The following LEKR1 variants were observed in gnomAD, a reference collection of about 807,000 sequenced individuals.
The protein encoded by LEKR1 is leucine, glutamate and lysine rich 1, also known as protein LEKR1.
A neutral mutation model predicts 72.4 loss-of-function variants in LEKR1; 59 were observed. The observed-to-expected ratio is 0.82, with a 90% CI of 0.66 to 1.01. The LOEUF (loss-of-function observed/expected upper bound fraction) is 1.01. Among genes scored for constraint, LEKR1 ranks in the 50% least tolerant of loss-of-function variants. The pLI, the probability that LEKR1 is intolerant of heterozygous loss-of-function variation, is 0.00. For synonymous variants in LEKR1, 257 were observed against 263.2 expected (o/e 0.98, Z 0.23); for missense variants, 728 against 759.2 (o/e 0.96, Z 0.48).
At chr3:156,994,163 T>G (rs1731358927) in intron 9 of LEKR1, among the ~76,000 whole-genome samples, 2 of 152,182 alleles carry the variant, frequency 1.3e-5, no homozygotes, top group African/African-American at 2.4e-5. Context: ...TTATATTTTA[T>G]TTTATGAATA....
At chr3:157,017,315 T>C (rs1733424230) in intron 10 of LEKR1, 2 of 152,234 alleles carry the variant, frequency 1.3e-5, no homozygotes, top group African/African-American at 2.4e-5. Context: ...CACCTTACTA[T>C]ATGTTGCCTA....
At chr3:156,908,535 T>G (rs1429518978) in intron 3 of LEKR1, among the ~76,000 whole-genome samples, 1 of 152,192 alleles carries the variant, frequency 6.6e-6, no homozygotes, top group Non-Finnish European at 1.5e-5. Context: ...CTTCTTGTTT[T>G]GGACATTAGT....
intron 5 of LEKR1, among the ~76,000 whole-genome samples, chr3:156,930,657 C>G (rs999397951): frequency 6.6e-6 from 1 of 152,014 alleles, no homozygotes; most frequent in African/African-American, 2.4e-5. Flanking sequence ...CAAAAAATGG[C>G]ATTTTAAACA....
intron 2 of LEKR1, among the ~76,000 whole-genome samples, chr3:156,843,541 G>A (rs959867019): frequency 2.0e-5 from 3 of 152,116 alleles, no homozygotes; most frequent in East Asian, 1.9e-4. Flanking sequence ...GCTAGAGAGC[G>A]CACTGTTCTC....
Position 156,942,727 on chromosome 3 carries a change from C to G in LEKR1, c.745+13C>G. On this transcript the variant is annotated intron_variant, in intron 6 of 12. Coordinates refer to ENST00000356539, the MANE Select transcript of LEKR1 (RefSeq NM_001004316.3). ...AAAGAAGTACTAGGTAAAGAAAAGT[C>G]TTTTGCTGTTTTTGGTGACTAGTTA... is the stretch of plus-strand genomic sequence containing the variant. The G allele has an allele frequency of 8.2e-7, 1 of 1,219,354 alleles. No individual in the cohort carries two copies. Among genetic ancestry groups the G allele is most frequent in the Non-Finnish European group, 1.0e-6 (1 of 957,154 alleles). 75.5% of individuals were successfully genotyped at this position (1,219,354 alleles called of 1,614,324 possible).
At chr3:157,010,006 G>C (rs1029817499) in intron 9 of LEKR1, among the ~76,000 whole-genome samples, 6 of 151,918 alleles carry the variant, frequency 3.9e-5, no homozygotes, top group Non-Finnish European at 7.4e-5. Context: ...TTATTATAAA[G>C]CTGCTCATAA....
Position 156,835,784 on chromosome 3 carries a change from G to A in LEKR1, c.48+6407G>A, listed in dbSNP as rs547410417. On this transcript the variant is annotated intron_variant, in intron 2 of 12. Coordinates refer to ENST00000356539, the MANE Select transcript of LEKR1 (RefSeq NM_001004316.3). Reference sequence around the variant, plus strand: ...TCTCGTAAAGCCTCTCTCATAAAGCGATTCCTTCCTCCCTTCCTTCCTTCC... The same window carrying A: ...TCTCGTAAAGCCTCTCTCATAAAGCAATTCCTTCCTCCCTTCCTTCCTTCC... 3.2e-3 allele frequency among the ~76,000 whole-genome samples: 473 copies of A among 149,074 alleles called. 2 individuals are homozygous for A. Among genetic ancestry groups the A allele is most frequent in the African/African-American group, 0.011 (444 of 40,734 alleles).
intron 5 of LEKR1, among the ~76,000 whole-genome samples, chr3:156,930,953 A>C (rs1020831537): frequency 2.0e-5 from 3 of 152,168 alleles, no homozygotes; most frequent in South Asian, 2.1e-4. Context: ...AAAATTATAA[A>C]ACTACTAGAA....
chr3:156,891,026 ATTTTTTT>A (rs11407482), intron 3 of LEKR1, among the ~76,000 whole-genome samples: 1 of 137,552 alleles, frequency 7.3e-6, no homozygotes, highest in Non-Finnish European at 1.6e-5. Flanking sequence ...TGGCCGGCTA[ATTTTTTT>A]TTTTTTTTTG....
rs73025856 is a variant in LEKR1 at position 156,873,381 on chromosome 3, A to G, written c.263+20399A>G. On this transcript the variant is annotated intron_variant, in intron 3 of 12. Transcript: ENST00000356539. ...TTTTTAATCCATTCAGCCAGTCCAT[A>G]TTTTTTAAAGGGAACATTTACTCTG... Among the ~76,000 whole-genome samples the G allele has an allele frequency of 4.2e-3, 634 of 151,910 alleles. 3 individuals carry two copies. Among genetic ancestry groups the G allele is most frequent in the African/African-American group, 0.015 (604 of 41,480 alleles).
At chr3:156,836,113 C>G (rs942769859) in intron 2 of LEKR1, among the ~76,000 whole-genome samples, 1 of 151,722 alleles carries the variant, frequency 6.6e-6, no homozygotes, top group African/African-American at 2.4e-5. Context: ...CTCAGGTGAC[C>G]CCACCCACCT....
chr3:156,991,962 A>G (rs1227935698), intron 7 of LEKR1, among the ~76,000 whole-genome samples: 1 of 152,172 alleles, frequency 6.6e-6, no homozygotes, highest in Non-Finnish European at 1.5e-5. Context: ...TGTCGTTGTT[A>G]TTGTTGAGAG....
In LEKR1 at chr3:156,899,506, G is replaced by A. The variant is rs1380283931; in HGVS notation, c.264-21069G>A. Among the ~76,000 whole-genome samples the A allele has an allele frequency of 1.7e-3, 123 of 73,616 alleles. 2 individuals carry two copies. Among genetic ancestry groups the A allele is most frequent in the South Asian group, 2.6e-3 (6 of 2,274 alleles). The allele number at this position is 73,616 out of a possible 152,430, so 48.3% of individuals were successfully genotyped here. A position where few individuals can be genotyped will look rare whatever the true frequency, so the allele number is the denominator to read the frequency against. On this transcript the variant is annotated intron_variant, in intron 3 of 12. Transcript: ENST00000356539. ...CATACATATATACACATATATACATGTATATATACATACATACATATATAC... is the reference window on the plus strand; with the variant it reads ...CATACATATATACACATATATACATATATATATACATACATACATATATAC...
chr3:157,027,717 A>T lies in LEKR1; in HGVS notation c.1369-386A>T, dbSNP rs1734302069. Among the ~76,000 whole-genome samples, 4 of 152,068 alleles carry T rather than the reference A, an allele frequency of 2.6e-5. No individual in the cohort carries two copies. In the South Asian group the frequency reaches 8.3e-4, roughly 32 times the overall value. On this transcript the variant is annotated intron_variant, in intron 11 of 12. Coordinates refer to ENST00000356539, the MANE Select transcript of LEKR1 (RefSeq NM_001004316.3). ...GTGATCCAGCTACTGGAGAGGCTGA[A>T]TTGGTAGGATCGTTTGAGCGCAGGA... is the stretch of plus-strand genomic sequence containing the variant.
chr3:156,966,845 G>C (rs538319779), intron 6 of LEKR1, among the ~76,000 whole-genome samples: 1 of 152,294 alleles, frequency 6.6e-6, no homozygotes, highest in East Asian at 1.9e-4. Flanking sequence ...GTGGGTCCCT[G>C]ACCTCCAAGT....
chr3:156,867,944 C>T (rs941336057), intron 3 of LEKR1, among the ~76,000 whole-genome samples: 27 of 151,990 alleles, frequency 1.8e-4, no homozygotes, highest in Non-Finnish European at 4.0e-4. Flanking sequence ...TATTTATATA[C>T]CTACTGGAAG....
chr3:156,890,590 T>C (rs991628804), intron 3 of LEKR1, among the ~76,000 whole-genome samples: 1 of 152,188 alleles, frequency 6.6e-6, no homozygotes, highest in East Asian at 1.9e-4. Context: ...GAAATTATAT[T>C]AATATTTCCA....
At chr3:156,855,600 T>A (rs754853718) in intron 3 of LEKR1, among the ~76,000 whole-genome samples, 2 of 152,188 alleles carry the variant, frequency 1.3e-5, no homozygotes, top group African/African-American at 2.4e-5. Flanking sequence ...CTGTATCTTT[T>A]AAAAATTTTA....
chr3:157,013,054 TTTAAGGGACTAGAAA>T (rs1482700025), intron 10 of LEKR1, among the ~76,000 whole-genome samples: 3 of 152,102 alleles, frequency 2.0e-5, no homozygotes, highest in African/African-American at 7.2e-5. Context: ...ATACCTACTC[TTTAAGGGACTAGAAA>T]TTAAAGTAAC....
Sources: gnomAD v4.1 joint callset for allele counts (sites outside exome capture counted in the v4.1 genomes callset) on GRCh38, gnomAD v4.1.1 for gene constraint, MANE v1.5 for transcripts, NCBI Gene and HGNC (gene_info 2026-07-23, HGNC 2026-07-21) for gene names.